The following RAI2 variants were observed in gnomAD, a reference collection of about 807,000 sequenced individuals.
RAI2 encodes retinoic acid induced 2.
A neutral mutation model predicts 15.3 loss-of-function variants in RAI2; 5 were observed. The ratio of observed to expected loss-of-function variants is 0.33; its 90% confidence interval spans 0.17 to 0.69. The LOEUF (loss-of-function observed/expected upper bound fraction) is 0.69, where lower values mean the gene tolerates loss of function less well. Ranked by LOEUF, RAI2 falls within the 30% of genes least tolerant of loss-of-function variation. The pLI, the probability that RAI2 is intolerant of heterozygous loss-of-function variation, is 0.69. For synonymous variants in RAI2, 191 were observed against 184.0 expected, an observed-to-expected ratio of 1.04 and a Z score of -0.31; for missense variants, 424 against 424.7, an observed-to-expected ratio of 1.00 and a Z score of 0.01.
At position 17,836,507 on chromosome X, in the gene RAI2, G is replaced by A. The variant is rs191550065; in HGVS notation, c.-25+24591C>T. Among the ~76,000 whole-genome samples the A allele has an allele frequency of 6.9e-4, 77 of 112,069 alleles. 1 individual carries two copies. The highest frequency in any genetic ancestry group is 2.3e-3 in the African/African-American group (70 of 30,811). On this transcript the variant is annotated intron_variant, in intron 1 of 1. Transcript: ENST00000451717. ...AAACAGAATGGCTGTACAGGTATTC[G>A]AAGCACAATTTCTAGCGAACGAGTA...
intron 1 of RAI2, among the ~76,000 whole-genome samples, chrX:17,823,453 C>T (rs1414128372): frequency 8.9e-6 from 1 of 112,044 alleles, no homozygotes; most frequent in Non-Finnish European, 1.9e-5. Flanking sequence ...TCTATTCAAA[C>T]ATAAGCCTGG....
intron 1 of RAI2, among the ~76,000 whole-genome samples, chrX:17,843,794 A>T (rs1354319670): frequency 8.9e-6 from 1 of 112,409 alleles, no homozygotes; most frequent in Non-Finnish European, 1.9e-5. Context: ...CGAAAGTCTA[A>T]ATATTTTTAT....
chrX:17,837,219 A>G lies in RAI2; in HGVS notation c.-25+23879T>C, dbSNP rs1156842783. Among the ~76,000 whole-genome samples the G allele has an allele frequency of 2.7e-5, 3 of 111,430 alleles. No homozygotes were observed. The Admixed American group carries it at 2.9e-4, about 11-fold the overall frequency. Reference sequence around the variant, plus strand: ...ACCCAGGAGGTAGGGGTCAGCCAAGATAGCTTCCACTATAGAGATAATCAG... The same window carrying G: ...ACCCAGGAGGTAGGGGTCAGCCAAGGTAGCTTCCACTATAGAGATAATCAG... On this transcript the variant is annotated intron_variant, in intron 1 of 1. Transcript: ENST00000451717.
chrX:17,831,110 C>T lies in RAI2; in HGVS notation c.-24-29076G>A, dbSNP rs374756497. 4.2e-3 allele frequency among the ~76,000 whole-genome samples: 467 copies of T among 111,558 alleles called. 2 individuals carry two copies. Among genetic ancestry groups the T allele is most frequent in the African/African-American group, 0.014 (432 of 30,690 alleles). On this transcript the variant is annotated intron_variant, in intron 1 of 1. Transcript: ENST00000451717. Reference sequence around the variant, plus strand: ...AAGGCAAGAAAGGGACTCTAAAATTCGAGACACATCTTGTTTGGCTGTGTC... The same window carrying T: ...AAGGCAAGAAAGGGACTCTAAAATTTGAGACACATCTTGTTTGGCTGTGTC...
intron 1 of RAI2, among the ~76,000 whole-genome samples, chrX:17,856,104 G>C (rs556079127): frequency 5.4e-4 from 61 of 112,342 alleles, no homozygotes; most frequent in African/African-American, 1.9e-3. Context: ...GGTGTGAGCA[G>C]AGTGTGCTCC....
At chrX:17,803,269 T>C (rs1341632099) in intron 1 of RAI2, among the ~76,000 whole-genome samples, 1 of 111,486 alleles carries the variant, frequency 9.0e-6, no homozygotes, top group Non-Finnish European at 1.9e-5. Context: ...CTCATGCCTG[T>C]AATCTCAGCA....
chrX:17,860,943 C>G (rs1285390159), intron 1 of RAI2, among the ~76,000 whole-genome samples, 155 bp downstream of exon 1: 1 of 104,811 alleles, frequency 9.5e-6, no homozygotes, highest in African/African-American at 3.4e-5. Context: ...GCCCCGGCCT[C>G]CGGGCGCCGT....
rs1054001747 is a variant in RAI2, at chrX:17,800,299, T to G, written c.*119A>C. ...AGGGCCTCTAGAGCCAATTCACCTT[T>G]CCATTTCCCAACTACTCCCCAAAAT... is the stretch of plus-strand genomic sequence containing the variant. On this transcript the variant is annotated 3_prime_UTR_variant, in exon 2 of 2. Coordinates refer to ENST00000451717, the MANE Select transcript of RAI2 (RefSeq NM_021785.6). 7.8e-5 allele frequency: 77 copies of G among 988,622 alleles called. No homozygotes were observed. In the Middle Eastern group the frequency reaches 1.1e-3, roughly 14 times the overall value. The allele number at this position is 988,622 out of a possible 1,213,427, so 81.5% of individuals were successfully genotyped here.
chrX:17,855,359 C>T (rs2067588512), intron 1 of RAI2, among the ~76,000 whole-genome samples: 1 of 111,754 alleles, frequency 8.9e-6, no homozygotes, highest in Non-Finnish European at 1.9e-5. Flanking sequence ...GAGCAGGTGT[C>T]AAGGAATTCT....
chrX:17,825,981 G>T (rs1406182903), intron 1 of RAI2, among the ~76,000 whole-genome samples: 4 of 112,224 alleles, frequency 3.6e-5, no homozygotes, highest in Non-Finnish European at 7.5e-5. Flanking sequence ...AGCAGTGTTT[G>T]ACACAGTGAC....
At chrX:17,844,588 G>C (rs1279964098) in intron 1 of RAI2, among the ~76,000 whole-genome samples, 1 of 112,743 alleles carries the variant, frequency 8.9e-6, no homozygotes, top group Non-Finnish European at 1.9e-5. Context: ...CTAACTCACA[G>C]CAGCCAGAGA....
intron 1 of RAI2, among the ~76,000 whole-genome samples, chrX:17,832,937 C>T (rs1340350682): frequency 2.7e-5 from 3 of 111,518 alleles, no homozygotes; most frequent in Non-Finnish European, 5.7e-5. Context: ...TGGATTTTGC[C>T]ACCAGTTGGA....
At chrX:17,807,379 A>C (rs1020350785) in intron 1 of RAI2, among the ~76,000 whole-genome samples, 2 of 111,801 alleles carry the variant, frequency 1.8e-5, no homozygotes, top group Non-Finnish European at 3.8e-5. Context: ...GGTGCTGAGG[A>C]AATATCTTCT....
intron 1 of RAI2, among the ~76,000 whole-genome samples, chrX:17,815,984 G>GCTC (rs746096052): frequency 1.8e-3 from 192 of 108,448 alleles, no homozygotes; most frequent in Non-Finnish European, 2.5e-3. Flanking sequence ...GGCTTTGCTA[G>GCTC]CTCCTCCTCC....
At chrX:17,841,098 T>G (rs1161698940) in intron 1 of RAI2, among the ~76,000 whole-genome samples, 1 of 111,412 alleles carries the variant, frequency 9.0e-6, no homozygotes, top group Non-Finnish European at 1.9e-5. Context: ...TTTATTATTT[T>G]TTTGCTGAAC....
chrX:17,810,260 T>C (rs769998021), intron 1 of RAI2, among the ~76,000 whole-genome samples: 77 of 112,102 alleles, frequency 6.9e-4, no homozygotes, highest in Non-Finnish European at 1.2e-3. Context: ...ACACACGAGC[T>C]ATAGAGTCAG....
chrX:17,826,776 T>C (rs2067231451), intron 1 of RAI2, among the ~76,000 whole-genome samples: 1 of 111,112 alleles, frequency 9.0e-6, no homozygotes. Context: ...CAAGATCTGA[T>C]GGTTTAAAAT....
chrX:17,801,155 CTTT>C lies in RAI2; in HGVS notation c.853_855del (p.Lys285del), dbSNP rs1569340252. On this transcript the variant is annotated inframe_deletion, in exon 2 of 2. Transcript: ENST00000451717. Reference sequence around the variant, plus strand: ...AGGATGTCAAAGGGCTTCAGTTCATCTTTTTCCAGAGGGGTCTGGGTGCCTTTA... The same window carrying C: ...AGGATGTCAAAGGGCTTCAGTTCATCTTCCAGAGGGGTCTGGGTGCCTTTA... 8.3e-7 allele frequency: 1 copy of C among 1,211,455 alleles called. No individual in the cohort carries two copies.
At chrX:17,857,972 G>A (rs1431753385) in intron 1 of RAI2, among the ~76,000 whole-genome samples, 4 of 111,389 alleles carry the variant, frequency 3.6e-5, no homozygotes, top group African/African-American at 1.3e-4. Flanking sequence ...CAAGGTGGAG[G>A]GGCTGAAAGA....
Sources: gnomAD v4.1 joint callset for allele counts (sites outside exome capture counted in the v4.1 genomes callset) on GRCh38, gnomAD v4.1.1 for gene constraint, MANE v1.5 for transcripts, NCBI Gene and HGNC (gene_info 2026-07-23, HGNC 2026-07-21) for gene names.